PLD5: variants seen among roughly 807,000 people sequenced by gnomAD.
The protein encoded by PLD5 is phospholipase D family member 5, also known as inactive phospholipase D5.
Under a neutral mutation model 61.1 loss-of-function variants are expected in PLD5, and 36 were observed. The observed-to-expected ratio is 0.59, with a 90% CI of 0.45 to 0.78. PLD5 has a LOEUF of 0.78. Ranked by LOEUF, PLD5 falls within the 30% of genes least tolerant of loss-of-function variation. The pLI is 0.00. For missense variants in PLD5, 515 were observed against 644.4 expected, an observed-to-expected ratio of 0.80 and a Z score of 2.17; for synonymous variants, 243 against 242.8, an observed-to-expected ratio of 1.00 and a Z score of -0.01.
At chr1:242,403,148 G>A (rs1165740066) in intron 1 of PLD5, among the ~76,000 whole-genome samples, 3 of 152,198 alleles carry the variant, frequency 2.0e-5, no homozygotes, top group Non-Finnish European at 4.4e-5. Flanking sequence ...GCATGGTTCC[G>A]TACTGGACAT....
In PLD5 at chr1:242,278,344, G is replaced by A. The variant is rs143305843; in HGVS notation, c.495+10018C>T. On this transcript the variant is annotated intron_variant, in intron 3 of 9. Coordinates refer to ENST00000536534, the MANE Select transcript of PLD5 (RefSeq NM_001372062.1). ...ACGAACAATTAGAAGGCATATCTTAGGTTCATGATTTATTCATGGCCATAT... is the reference window on the plus strand; with the variant it reads ...ACGAACAATTAGAAGGCATATCTTAAGTTCATGATTTATTCATGGCCATAT... Among the ~76,000 whole-genome samples, 1,499 of 152,246 alleles carry A rather than the reference G, an allele frequency of 9.8e-3. 22 individuals are homozygous for A. Among genetic ancestry groups the A allele is most frequent in the African/African-American group, 0.034 (1,425 of 41,536 alleles).
intron 1 of PLD5, among the ~76,000 whole-genome samples, chr1:242,459,566 G>C (rs2102935257): frequency 6.6e-6 from 1 of 152,254 alleles, no homozygotes; most frequent in Middle Eastern, 3.4e-3. Flanking sequence ...GAGAAAAGGG[G>C]GAGACGTAGG....
chr1:242,150,392 A>G (rs1011736925), intron 5 of PLD5, among the ~76,000 whole-genome samples: 1 of 151,764 alleles, frequency 6.6e-6, no homozygotes, highest in Non-Finnish European at 1.5e-5. Flanking sequence ...CAATTACTAT[A>G]AACTGAATGG....
chr1:242,134,142 G>A (rs1420398278), intron 5 of PLD5, among the ~76,000 whole-genome samples: 2 of 152,162 alleles, frequency 1.3e-5, no homozygotes, highest in South Asian at 4.1e-4. Context: ...TTTCAGGTTT[G>A]TAAAATAAAC....
At chr1:242,149,612 T>TA (rs1664783865) in intron 5 of PLD5, among the ~76,000 whole-genome samples, 1 of 151,596 alleles carries the variant, frequency 6.6e-6, no homozygotes, top group South Asian at 2.1e-4. Context: ...GAGTATTTTT[T>TA]AATAGGAAGT....
Position 242,426,252 on chromosome 1 carries a change from TA to T in PLD5, c.190-78011del, listed in dbSNP as rs560174234. Among the ~76,000 whole-genome samples, 5 of 142,430 alleles carry T rather than the reference TA, an allele frequency of 3.5e-5. No homozygotes were observed. The East Asian group carries it at 1.0e-3, about 29-fold the overall frequency. The allele number at this position is 142,430 out of a possible 152,430, so 93.4% of individuals were successfully genotyped here. A position where few individuals can be genotyped will look rare whatever the true frequency, so the allele number is the denominator to read the frequency against. On this transcript the variant is annotated intron_variant, in intron 1 of 9. Transcript: ENST00000536534. ...ACACGCACAGAGCTGTCAACTGATA[TA>T]ACAATGACTTCTTCTGAAATACCTC...
At position 242,432,642 on chromosome 1, in the gene PLD5, G is replaced by A. The variant is rs1441155972; in HGVS notation, c.190-84400C>T. Among the ~76,000 whole-genome samples the A allele has an allele frequency of 2.0e-5, 3 of 152,142 alleles. No individual in the cohort carries two copies. In the East Asian group the frequency reaches 5.8e-4, roughly 29 times the overall value. On this transcript the variant is annotated intron_variant, in intron 1 of 9. Transcript: ENST00000536534. ...AAATTCTCCTCTTTATCCAAGACAAGCCCTGGAAGACTCCCCTGGCATAAA... is the reference window on the plus strand; with the variant it reads ...AAATTCTCCTCTTTATCCAAGACAAACCCTGGAAGACTCCCCTGGCATAAA...
intron 4 of PLD5, among the ~76,000 whole-genome samples, chr1:242,244,675 T>C (rs1672260058): frequency 6.6e-6 from 1 of 152,180 alleles, no homozygotes; most frequent in Non-Finnish European, 1.5e-5. Context: ...GAGAATGCAC[T>C]GCAAAAAATT....
intron 2 of PLD5, among the ~76,000 whole-genome samples, chr1:242,293,130 G>A (rs918977028): frequency 2.0e-5 from 3 of 152,190 alleles, no homozygotes; most frequent in African/African-American, 7.2e-5. Context: ...AGATGATCAA[G>A]AGAGATTTCT....
chr1:242,400,147 G>A (rs56844396), intron 1 of PLD5, among the ~76,000 whole-genome samples: 4 of 151,320 alleles, frequency 2.6e-5, no homozygotes, highest in Admixed American at 6.6e-5. Context: ...CAGCCTGAGC[G>A]ACAAGAGTAC....
Position 242,100,876 on chromosome 1 carries a change from A to G in PLD5, c.1240-94T>C, listed in dbSNP as rs543947729. On this transcript the variant is annotated intron_variant, in intron 8 of 9. Coordinates refer to ENST00000536534, the MANE Select transcript of PLD5 (RefSeq NM_001372062.1). ...AGAATGCATTATCCAAATGTCAACA[A>G]TAGACCTCAAGTTGGGTTATGAAAG... 5.9e-5 allele frequency: 46 copies of G among 779,272 alleles called. No homozygotes were observed. In the South Asian group the frequency reaches 6.8e-4, roughly 12 times the overall value. 48.3% of individuals were successfully genotyped at this position (779,272 alleles called of 1,614,324 possible).
At chr1:242,377,308 G>A in intron 1 of PLD5, 2 of 1,607,510 alleles carry the variant, frequency 1.2e-6, no homozygotes, top group Admixed American at 1.7e-5. Context: ...GCACACTTGT[G>A]AACCTTAAAA....
chr1:242,217,788 A>C (rs1670308712), intron 5 of PLD5, among the ~76,000 whole-genome samples: 1 of 152,230 alleles, frequency 6.6e-6, no homozygotes, highest in African/African-American at 2.4e-5. Context: ...AACTAGAATT[A>C]GAAGGGGAGC....
At chr1:242,505,978 CT>C (rs1469103334) in intron 1 of PLD5, among the ~76,000 whole-genome samples, 1 of 152,204 alleles carries the variant, frequency 6.6e-6, no homozygotes, top group Non-Finnish European at 1.5e-5. Flanking sequence ...ATAGCACTTG[CT>C]GCAGACTGTA....
At chr1:242,371,855 C>CT (rs921792314) in intron 1 of PLD5, among the ~76,000 whole-genome samples, 12 of 149,420 alleles carry the variant, frequency 8.0e-5, no homozygotes, top group African/African-American at 7.4e-5. Flanking sequence ...TTTTTGCCTG[C>CT]TTTTTTTAAA....
chr1:242,217,188 GC>G (rs1397357190), intron 5 of PLD5, among the ~76,000 whole-genome samples: 5 of 152,212 alleles, frequency 3.3e-5, no homozygotes, highest in Non-Finnish European at 7.3e-5. Context: ...TCATTCTGCA[GC>G]CCAGGGATCA....
At chr1:242,367,251 A>C (rs1356583524) in intron 1 of PLD5, among the ~76,000 whole-genome samples, 1 of 152,182 alleles carries the variant, frequency 6.6e-6, no homozygotes, top group Non-Finnish European at 1.5e-5. Flanking sequence ...AATTAGATTG[A>C]CCAAGGAGAT....
At chr1:242,139,124 T>C (rs1373555306) in intron 5 of PLD5, among the ~76,000 whole-genome samples, 1 of 152,184 alleles carries the variant, frequency 6.6e-6, no homozygotes, top group Non-Finnish European at 1.5e-5. Flanking sequence ...GTTTTCATGC[T>C]TATTATGGAC....
chr1:242,393,226 GTATATATATGTGTA>G (rs774429815), intron 1 of PLD5, among the ~76,000 whole-genome samples: 1,926 of 76,580 alleles, frequency 0.025, 415 homozygotes, highest in African/African-American at 0.062. Context: ...ATATATATGA[GTATATATATGTGTA>G]TATATATGAG....
Sources: gnomAD v4.1 joint callset for allele counts (sites outside exome capture counted in the v4.1 genomes callset) on GRCh38, gnomAD v4.1.1 for gene constraint, MANE v1.5 for transcripts, NCBI Gene and HGNC (gene_info 2026-07-23, HGNC 2026-07-21) for gene names.